NRG1: variants seen among roughly 807,000 people sequenced by gnomAD.
NRG1 encodes pro-neuregulin-1, membrane-bound isoform.
NRG1 carries 18 observed loss-of-function variants against 63.8 expected under a neutral mutation model. That is an observed-to-expected ratio of 0.28 (90% CI 0.19 to 0.42). The LOEUF (loss-of-function observed/expected upper bound fraction) is 0.42, where lower values mean the gene tolerates loss of function less well. Among genes scored for constraint, NRG1 ranks in the 10% least tolerant of loss-of-function variants. The pLI is 1.00. For missense variants in NRG1, 762 were observed against 814.7 expected, an observed-to-expected ratio of 0.94 and a Z score of 0.79; for synonymous variants, 302 against 301.3, an observed-to-expected ratio of 1.00 and a Z score of -0.02.
At chr8:32,772,829 GCT>G (rs1831897586), downstream of NRG1, among the ~76,000 whole-genome samples, 1 of 152,136 alleles carries the variant, frequency 6.6e-6, no homozygotes, top group Admixed American at 6.6e-5. Flanking sequence ...GAGAGAAAAT[GCT>G]GTGCATGACA....
chr8:32,391,892 A>G (rs1261795421), intron 1 of NRG1, among the ~76,000 whole-genome samples: 1 of 152,222 alleles, frequency 6.6e-6, no homozygotes, highest in Non-Finnish European at 1.5e-5. Context: ...CCAAAGGATA[A>G]TTCAGTCAAC....
In NRG1 at chr8:32,244,081, G is replaced by A. The variant is rs886380386; in HGVS notation, c.38-351747G>A. Among the ~76,000 whole-genome samples the A allele has an allele frequency of 3.3e-5, 5 of 152,224 alleles. No individual in the cohort carries two copies. The South Asian group carries it at 1.0e-3, about 32-fold the overall frequency. On this transcript the variant is annotated intron_variant, in intron 1 of 10. Coordinates refer to the NRG1 transcript ENST00000519301. ...TGCTCCAGGACTTTTAGGAAATGTGGATCCCATTGGTAGTGCTCAGCAATC... is the reference window on the plus strand; with the variant it reads ...TGCTCCAGGACTTTTAGGAAATGTGAATCCCATTGGTAGTGCTCAGCAATC...
chr8:32,244,097 C>T (rs1266678535), intron 1 of NRG1, among the ~76,000 whole-genome samples: 1 of 152,160 alleles, frequency 6.6e-6, no homozygotes, highest in African/African-American at 2.4e-5. Context: ...ATTGGTAGTG[C>T]TCAGCAATCA....
At chr8:32,207,431 T>C (rs1393663095) in intron 1 of NRG1, among the ~76,000 whole-genome samples, 1 of 152,168 alleles carries the variant, frequency 6.6e-6, no homozygotes, top group Non-Finnish European at 1.5e-5. Context: ...ATCTTTTGTT[T>C]TTTCTTCTGG....
At chr8:31,856,875 T>G (rs1365803049) in intron 1 of NRG1, among the ~76,000 whole-genome samples, 2 of 152,194 alleles carry the variant, frequency 1.3e-5, no homozygotes, top group African/African-American at 4.8e-5. Flanking sequence ...CCCGGCCGTG[T>G]GAGGTGTCAG....
chr8:32,310,928 G>C (rs777995884), intron 1 of NRG1, among the ~76,000 whole-genome samples: 10 of 152,054 alleles, frequency 6.6e-5, no homozygotes, highest in Non-Finnish European at 8.8e-5. Flanking sequence ...GAACATCTTG[G>C]TTCACTCAAC....
chr8:31,769,885 A>G (rs1184013677), intron 1 of NRG1, among the ~76,000 whole-genome samples: 1 of 152,190 alleles, frequency 6.6e-6, no homozygotes, highest in Non-Finnish European at 1.5e-5. Context: ...TTTTAATGAG[A>G]AACAGCAAAC....
At chr8:32,118,403 C>T (rs1324164387) in intron 1 of NRG1, among the ~76,000 whole-genome samples, 3 of 152,056 alleles carry the variant, frequency 2.0e-5, no homozygotes, top group Admixed American at 6.6e-5. Flanking sequence ...CTGCACACAC[C>T]AGCTCCCCTT....
At chr8:32,517,644 G>A (rs1829960097) in intron 1 of NRG1, among the ~76,000 whole-genome samples, 1 of 152,168 alleles carries the variant, frequency 6.6e-6, no homozygotes, top group African/African-American at 2.4e-5. Flanking sequence ...TATAGCCTAT[G>A]CTTTTGAAAG....
chr8:32,037,352 C>T (rs781502347), intron 1 of NRG1, among the ~76,000 whole-genome samples: 2 of 152,148 alleles, frequency 1.3e-5, no homozygotes, highest in African/African-American at 2.4e-5. Context: ...CCAGAGTGCT[C>T]CTGTATGAGG....
intron 1 of NRG1, among the ~76,000 whole-genome samples, chr8:31,947,297 A>C (rs1585983569): frequency 7.1e-6 from 1 of 140,892 alleles, no homozygotes. Flanking sequence ...ACAGAGTGAG[A>C]CTCCGTCTCA....
chr8:32,037,601 C>G (rs563434221), intron 1 of NRG1, among the ~76,000 whole-genome samples: 2 of 152,216 alleles, frequency 1.3e-5, no homozygotes, highest in Non-Finnish European at 2.9e-5. Context: ...GATCAGAGTT[C>G]TGTTCATAAA....
At chr8:32,193,141 G>A (rs897889833) in intron 1 of NRG1, among the ~76,000 whole-genome samples, 1 of 152,162 alleles carries the variant, frequency 6.6e-6, no homozygotes, top group African/African-American at 2.4e-5. Flanking sequence ...TTCCTAGGAA[G>A]ACAGGACTAG....
chr8:31,716,541 C>A (rs146280891), intron 1 of NRG1, among the ~76,000 whole-genome samples: 82 of 152,312 alleles, frequency 5.4e-4, no homozygotes, highest in African/African-American at 1.8e-3. Flanking sequence ...CAGAGAAGGA[C>A]AACATAAACA....
intron 1 of NRG1, among the ~76,000 whole-genome samples, chr8:32,066,283 T>A (rs376695152): frequency 1.3e-5 from 2 of 152,222 alleles, no homozygotes; most frequent in East Asian, 3.8e-4. Context: ...CTGAATGGTA[T>A]TGCCTAGGTT....
chr8:31,640,814 C>A lies in NRG1; in HGVS notation c.37+1383C>A, dbSNP rs376733799. On this transcript the variant is annotated intron_variant, in intron 1 of 10. Transcript: ENST00000519301. This position sits in a 1 kb window ranked among gnomAD's most constrained non-coding sequence, Gnocchi z 6.3. ...CGGGCAGCGGGGCTCGACGGCCGCC[C>A]GAGCAAGGCAGAGGCGCTCTGGGTC... The A allele has an allele frequency of 1.4e-6, 2 of 1,427,802 alleles. No homozygotes were observed. Among genetic ancestry groups the A allele is most frequent in the South Asian group, 1.5e-5 (1 of 65,384 alleles). 88.4% of individuals were successfully genotyped at this position (1,427,802 alleles called of 1,614,324 possible).
At chr8:32,025,748 C>A (rs958044018) in intron 1 of NRG1, among the ~76,000 whole-genome samples, 1 of 151,976 alleles carries the variant, frequency 6.6e-6, no homozygotes, top group Non-Finnish European at 1.5e-5. Flanking sequence ...GAGATCGAGA[C>A]CATCCTGGCT....
intron 1 of NRG1, among the ~76,000 whole-genome samples, chr8:31,676,317 C>T (rs1259716348): frequency 6.6e-6 from 1 of 152,112 alleles, no homozygotes; most frequent in African/African-American, 2.4e-5. Context: ...TCCCCAAAGA[C>T]CCAACAATAT....
chr8:32,693,849 T>A (rs1425427075), intron 5 of NRG1, among the ~76,000 whole-genome samples: 1 of 152,216 alleles, frequency 6.6e-6, no homozygotes. Flanking sequence ...CCCTTGTTCC[T>A]ACATATGTTT....
Sources: allele counts gnomAD v4.1 joint callset (sites outside exome capture counted in the v4.1 genomes callset), GRCh38; gene constraint gnomAD v4.1.1; non-coding constraint Gnocchi (gnomAD v3.1); transcripts MANE v1.5; gene names NCBI Gene and HGNC (gene_info 2026-07-23, HGNC 2026-07-21).